Variants in ITGA9 observed in about 807,000 individuals in gnomAD.
ITGA9 encodes the protein integrin alpha-9.
A neutral mutation model predicts 127.8 loss-of-function variants in ITGA9; 56 were observed. The ratio of observed to expected loss-of-function variants is 0.44; its 90% CI spans 0.35 to 0.55. The LOEUF is 0.55. Ranked by LOEUF, ITGA9 falls within the 20% of genes least tolerant of loss-of-function variation. The pLI is 0.00. For missense variants in ITGA9, 1,196 were observed against 1,347.1 expected, an observed-to-expected ratio of 0.89 and a Z score of 1.76; for synonymous variants, 508 against 514.5, an observed-to-expected ratio of 0.99 and a Z score of 0.17.
At chr3:37,589,974 C>T (rs914960768) in intron 15 of ITGA9, among the ~76,000 whole-genome samples, 2 of 152,206 alleles carry the variant, frequency 1.3e-5, no homozygotes, top group Non-Finnish European at 2.9e-5. Flanking sequence ...CCCAGGCTCA[C>T]TGCCCCCATC....
chr3:37,675,362 C>A (rs1424525941), intron 17 of ITGA9, among the ~76,000 whole-genome samples: 2 of 152,310 alleles, frequency 1.3e-5, no homozygotes, highest in African/African-American at 4.8e-5. Flanking sequence ...ATGTTGCTGC[C>A]TTTGCTGGTT....
rs137951340 is a variant in ITGA9 at position 37,513,813 on chromosome 3, C to T, written c.948C>T (p.Asp316=). The stretch of plus-strand genomic sequence containing the variant: ...TGTGCGCAGTTGACCTGAATGGGGA[C>T]GGCCTCTCTGACCTGCTGGTGGGGG... ...SSLCAVDLNG[D]GLSDLLVGAP... Residue 316 remains aspartate, a synonymous_variant, in exon 9 of 28, where the codon GAC becomes GAT. Transcript: ENST00000264741. 3.1e-5 allele frequency: 50 copies of T among 1,613,966 alleles called. No individual in the cohort carries two copies. Among genetic ancestry groups the T allele is most frequent in the East Asian group, 8.9e-5 (4 of 44,882 alleles).
At position 37,511,964 on chromosome 3, in the gene ITGA9, CTTTCTTTTCTTTT is replaced by C. The variant is rs1384867970; in HGVS notation, c.898-1798_898-1786del. 9.1e-5 allele frequency among the ~76,000 whole-genome samples: 8 copies of C among 88,162 alleles called. 2 individuals carry two copies. The highest frequency in any genetic ancestry group is 1.9e-4 in the Non-Finnish European group (8 of 43,218). 57.8% of individuals were successfully genotyped at this position (88,162 alleles called of 152,430 possible). A position where few individuals can be genotyped will look rare whatever the true frequency, so the allele number is the denominator to read the frequency against. ...ATTTTAAAAGAATAATGCTTTTTCT[CTTTCTTTTCTTTT>C]CTTTTCTTTTCTTTTCTTTTCTTTT... On this transcript the variant is annotated intron_variant, in intron 8 of 27. Coordinates refer to ENST00000264741, the MANE Select transcript of ITGA9 (RefSeq NM_002207.3).
intron 17 of ITGA9, among the ~76,000 whole-genome samples, chr3:37,683,470 C>T (rs760227611): frequency 4.6e-5 from 7 of 152,236 alleles, no homozygotes; most frequent in Non-Finnish European, 8.8e-5. Context: ...CCTGAAGCTA[C>T]CAGGACTCTG....
intron 13 of ITGA9, among the ~76,000 whole-genome samples, chr3:37,529,529 C>A (rs1699127744): frequency 6.6e-6 from 1 of 152,174 alleles, no homozygotes; most frequent in Non-Finnish European, 1.5e-5. Flanking sequence ...AGCTTGGCTG[C>A]AAAGGAGCAA....
chr3:37,616,986 T>C (rs1700081372), intron 15 of ITGA9, among the ~76,000 whole-genome samples: 1 of 151,836 alleles, frequency 6.6e-6, no homozygotes, highest in Non-Finnish European at 1.5e-5. Context: ...TTGTTATGTG[T>C]GAATTTGATC....
Position 37,488,135 on chromosome 3 carries a change from C to T in ITGA9, c.545-6366C>T, listed in dbSNP as rs187226570. 7.9e-5 allele frequency among the ~76,000 whole-genome samples: 12 copies of T among 152,214 alleles called. No homozygotes were observed. The East Asian group carries it at 2.3e-3, about 29-fold the overall frequency. On this transcript the variant is annotated intron_variant, in intron 4 of 27. Transcript: ENST00000264741. ...ATTTTTATTTTTTGGTTATATAGAT[C>T]AGAGGTTTCCGTGTTGCCCAGGCTG...
chr3:37,606,724 G>A (rs71323628), intron 15 of ITGA9, among the ~76,000 whole-genome samples: 109 of 152,210 alleles, frequency 7.2e-4, no homozygotes, highest in Non-Finnish European at 1.1e-3. Context: ...TCATTAGAAG[G>A]CTGTCCACAG....
At chr3:37,469,843 T>C (rs1698409433) in intron 1 of ITGA9, among the ~76,000 whole-genome samples, 1 of 152,354 alleles carries the variant, frequency 6.6e-6, no homozygotes, top group East Asian at 1.9e-4. Flanking sequence ...TTGCCCAGAC[T>C]GGAGTGCAGT....
intron 17 of ITGA9, among the ~76,000 whole-genome samples, chr3:37,656,776 A>G (rs541004532): frequency 1.1e-3 from 172 of 152,316 alleles, no homozygotes; most frequent in African/African-American, 4.0e-3. Context: ...GCCAGTTTTC[A>G]GAGGGAATGC....
At chr3:37,688,623 C>A (rs1337176427) in intron 18 of ITGA9, among the ~76,000 whole-genome samples, 1 of 152,184 alleles carries the variant, frequency 6.6e-6, no homozygotes, top group Non-Finnish European at 1.5e-5. Context: ...AGACCCCTGG[C>A]TCACCATGCC....
chr3:37,621,426 T>G (rs1700127796), intron 15 of ITGA9, among the ~76,000 whole-genome samples: 1 of 152,238 alleles, frequency 6.6e-6, no homozygotes, highest in African/African-American at 2.4e-5. Context: ...TCCCTGGCCC[T>G]GCCTGGATGC....
chr3:37,479,009 G>T (rs1032333101), intron 3 of ITGA9, among the ~76,000 whole-genome samples: 1 of 152,076 alleles, frequency 6.6e-6, no homozygotes, highest in East Asian at 1.9e-4. Flanking sequence ...ATAAACATCC[G>T]CCTCTTTTCA....
At chr3:37,803,391 G>GTAAAT (rs1305897455) in intron 26 of ITGA9, among the ~76,000 whole-genome samples, 1 of 152,196 alleles carries the variant, frequency 6.6e-6, no homozygotes, top group Non-Finnish European at 1.5e-5. Context: ...CGGAGCTTAT[G>GTAAAT]TATTTATTTA....
At chr3:37,673,632 C>T (rs1342632929) in intron 17 of ITGA9, among the ~76,000 whole-genome samples, 3 of 152,196 alleles carry the variant, frequency 2.0e-5, no homozygotes, top group South Asian at 4.1e-4. Flanking sequence ...TTTTCCTTAT[C>T]TTACCTTGTT....
intron 16 of ITGA9, among the ~76,000 whole-genome samples, chr3:37,632,917 T>C (rs1044449408): frequency 1.1e-4 from 16 of 152,218 alleles, no homozygotes; most frequent in African/African-American, 3.1e-4. Flanking sequence ...AAGTCACTTT[T>C]CAGATAAGCA....
intron 18 of ITGA9, among the ~76,000 whole-genome samples, chr3:37,694,662 C>A (rs759551979): frequency 9.2e-5 from 14 of 152,158 alleles, no homozygotes; most frequent in Admixed American, 2.0e-4. Flanking sequence ...TTGAGTGAAT[C>A]TGTGGGGGGA....
intron 18 of ITGA9, among the ~76,000 whole-genome samples, chr3:37,686,949 C>A (rs867097907): frequency 5.3e-5 from 8 of 152,176 alleles, no homozygotes; most frequent in Non-Finnish European, 1.0e-4. Flanking sequence ...GAGAGCCCCC[C>A]CAACCTGCTT....
intron 1 of ITGA9, among the ~76,000 whole-genome samples, chr3:37,460,848 C>T (rs557029214): frequency 5.3e-5 from 8 of 152,186 alleles, no homozygotes; most frequent in East Asian, 1.9e-4. Context: ...TTTGGCCTCC[C>T]GAAGTGCTGG....
Sources: allele counts gnomAD v4.1 joint callset (sites outside exome capture counted in the v4.1 genomes callset), GRCh38; gene constraint gnomAD v4.1.1; transcripts MANE v1.5; gene names NCBI Gene and HGNC (gene_info 2026-07-23, HGNC 2026-07-21).